DSCAM: variants seen among roughly 807,000 people sequenced by gnomAD.
DSCAM encodes the protein cell adhesion molecule DSCAM.
A neutral mutation model predicts 217.7 loss-of-function variants in DSCAM; 47 were observed. The ratio of observed to expected loss-of-function variants is 0.22; its 90% CI spans 0.17 to 0.28. The LOEUF (loss-of-function observed/expected upper bound fraction) is 0.28. DSCAM is among the 10% of genes least tolerant of loss of function. The pLI, the probability that DSCAM is intolerant of heterozygous loss-of-function variation, is 1.00. For missense variants in DSCAM, 2,080 were observed against 2,618.3 expected (o/e 0.79, Z 4.49); for synonymous variants, 1,056 against 1,015.3 (o/e 1.04, Z -0.76).
chr21:40,733,477 A>G (rs1273772715), intron 1 of DSCAM, among the ~76,000 whole-genome samples: 2 of 152,204 alleles, frequency 1.3e-5, no homozygotes, highest in Non-Finnish European at 2.9e-5. Context: ...GTGCTATGCC[A>G]TCTAATGAGT....
intron 14 of DSCAM, among the ~76,000 whole-genome samples, chr21:40,180,329 A>T (rs2090785610): frequency 6.6e-6 from 1 of 152,238 alleles, no homozygotes; most frequent in Admixed American, 6.5e-5. Flanking sequence ...ATGTGGCTTA[A>T]AGACTGCTTT....
chr21:40,179,564 C>A (rs1319822276), intron 14 of DSCAM, among the ~76,000 whole-genome samples: 1 of 152,194 alleles, frequency 6.6e-6, no homozygotes. Flanking sequence ...AAACTTCAAG[C>A]CATATCAGAT....
chr21:40,060,550 G>A (rs948903075), intron 28 of DSCAM, among the ~76,000 whole-genome samples: 2 of 146,000 alleles, frequency 1.4e-5, no homozygotes, highest in African/African-American at 5.0e-5. Context: ...TCAGTGTACG[G>A]ACTGGTGAAG....
chr21:40,274,125 AG>A (rs2073656033), intron 11 of DSCAM, among the ~76,000 whole-genome samples: 1 of 152,206 alleles, frequency 6.6e-6, no homozygotes, highest in Non-Finnish European at 1.5e-5. Context: ...TTATCCCCAG[AG>A]AGCAAAAGCT....
At chr21:40,532,589 G>A (rs1043318892) in intron 3 of DSCAM, among the ~76,000 whole-genome samples, 1 of 152,186 alleles carries the variant, frequency 6.6e-6, no homozygotes, top group Non-Finnish European at 1.5e-5. Context: ...TTCTTGCCGA[G>A]GGCTTTAGCT....
chr21:40,774,191 T>TTC (rs569382333), intron 1 of DSCAM, among the ~76,000 whole-genome samples: 2 of 152,202 alleles, frequency 1.3e-5, no homozygotes, highest in African/African-American at 4.8e-5. Context: ...CCAATCTTTT[T>TTC]TCTCTCTCTC....
chr21:40,636,918 A>C (rs2146329021), intron 3 of DSCAM, among the ~76,000 whole-genome samples: 1 of 150,374 alleles, frequency 6.7e-6, no homozygotes, highest in Middle Eastern at 3.4e-3. Flanking sequence ...CCAGGGATCC[A>C]AGCGGAATCA....
chr21:40,167,354 G>A (rs1173357258), intron 15 of DSCAM, 66 bp from the exon 16 acceptor site: 11 of 1,427,262 alleles, frequency 7.7e-6, no homozygotes, highest in Non-Finnish European at 1.1e-5. Context: ...AGCCTACACA[G>A]CCAAAGGTGG....
At chr21:40,316,420 G>T (rs137942966) in intron 8 of DSCAM, among the ~76,000 whole-genome samples, 1 of 152,128 alleles carries the variant, frequency 6.6e-6, no homozygotes. Flanking sequence ...TTTTTAAAGC[G>T]TCTTAAGCCT....
chr21:40,742,740 G>A (rs1016929430), intron 1 of DSCAM, among the ~76,000 whole-genome samples: 8 of 152,060 alleles, frequency 5.3e-5, no homozygotes, highest in African/African-American at 1.4e-4. Flanking sequence ...AATGGATTAC[G>A]TCCTATCCTT....
chr21:40,427,906 T>G (rs1470724521), intron 3 of DSCAM, among the ~76,000 whole-genome samples: 1 of 152,222 alleles, frequency 6.6e-6, no homozygotes, highest in Non-Finnish European at 1.5e-5. Context: ...AGCCCCATTT[T>G]TTTAAAGGGA....
rs77381920 is a variant in DSCAM, at chr21:40,736,605, A to C, written c.44-27834T>G. On this transcript the variant is annotated intron_variant, in intron 1 of 32. Transcript: ENST00000400454. ...TTTGGTGTGCAGCCCCCCATCCTGA[A>C]GGTATCTAGGGCCTCCAACCACCTC... Among the ~76,000 whole-genome samples the C allele has an allele frequency of 1.6e-3, 239 of 152,250 alleles. 2 individuals are homozygous for C. The highest frequency in any genetic ancestry group is 5.7e-3 in the African/African-American group (238 of 41,546).
At chr21:40,111,693 T>C (rs1236238389) in intron 20 of DSCAM, among the ~76,000 whole-genome samples, 1 of 152,028 alleles carries the variant, frequency 6.6e-6, no homozygotes, top group Admixed American at 6.6e-5. Context: ...GAGACACATA[T>C]AGGCTCAAAA....
chr21:40,216,492 G>A (rs1411213879), intron 11 of DSCAM, among the ~76,000 whole-genome samples: 2 of 152,072 alleles, frequency 1.3e-5, no homozygotes, highest in Non-Finnish European at 2.9e-5. Context: ...TAGAGGCAAA[G>A]TCCGTCTATT....
intron 3 of DSCAM, among the ~76,000 whole-genome samples, chr21:40,545,391 T>TG (rs2076573902): frequency 6.6e-6 from 1 of 152,192 alleles, no homozygotes; most frequent in Non-Finnish European, 1.5e-5. Context: ...CAACCTCCAC[T>TG]GGGGATAGGC....
At chr21:40,014,531 G>A (rs532262762) in intron 32 of DSCAM, among the ~76,000 whole-genome samples, 10 of 152,286 alleles carry the variant, frequency 6.6e-5, no homozygotes, top group Middle Eastern at 3.4e-3. Context: ...TCTCATGGCC[G>A]TCCCCGCCCG....
intron 3 of DSCAM, among the ~76,000 whole-genome samples, chr21:40,689,254 T>C (rs570248901): frequency 1.5e-4 from 23 of 152,360 alleles, no homozygotes; most frequent in African/African-American, 5.3e-4. Context: ...AATACCCATT[T>C]ACCTTCACCA....
rs774761779 is a variant in DSCAM, at chr21:40,590,949, C to T, written c.508+101861G>A. ...CCATGGCTTATTGATATGGTTTGGCCGTGTCCCCACCCAAAATCTCATCTT... is the reference window on the plus strand; with the variant it reads ...CCATGGCTTATTGATATGGTTTGGCTGTGTCCCCACCCAAAATCTCATCTT... On this transcript the variant is annotated intron_variant, in intron 3 of 32. Transcript: ENST00000400454. 4.0e-5 allele frequency among the ~76,000 whole-genome samples: 6 copies of T among 150,570 alleles called. No homozygotes were observed. In the South Asian group the frequency reaches 8.4e-4, roughly 21 times the overall value.
intron 3 of DSCAM, among the ~76,000 whole-genome samples, chr21:40,601,963 TG>T (rs2079278401): frequency 6.6e-6 from 1 of 152,092 alleles, no homozygotes; most frequent in African/African-American, 2.4e-5. Context: ...GCTATTGATC[TG>T]TAGTTTTCTT....
Sources: allele counts gnomAD v4.1 joint callset (sites outside exome capture counted in the v4.1 genomes callset), GRCh38; gene constraint gnomAD v4.1.1; transcripts MANE v1.5; gene names NCBI Gene and HGNC (gene_info 2026-07-23, HGNC 2026-07-21).